DCBLD2: variants seen among roughly 807,000 people sequenced by gnomAD.
DCBLD2 encodes discoidin, CUB and LCCL domain containing 2.
Under a neutral mutation model 86.8 loss-of-function variants are expected in DCBLD2, and 54 were observed. The observed-to-expected ratio is 0.62, with a 90% CI of 0.50 to 0.78. The LOEUF is 0.78. DCBLD2 is among the 30% of genes least tolerant of loss of function. The pLI, the probability that DCBLD2 is intolerant of heterozygous loss-of-function variation, is 0.00. For missense variants in DCBLD2, 908 were observed against 954.2 expected (o/e 0.95, Z 0.64); for synonymous variants, 354 against 341.3 (o/e 1.04, Z -0.41).
At chr3:98,846,102 C>T (rs1248210501) in intron 3 of DCBLD2, among the ~76,000 whole-genome samples, 1 of 152,116 alleles carries the variant, frequency 6.6e-6, no homozygotes, top group Non-Finnish European at 1.5e-5. Context: ...AAGTATAGGG[C>T]AGGAAATAAG....
Position 98,881,610 on chromosome 3 carries a change from TTCAATG to T in DCBLD2, c.357_362del (p.Asp119_Ile120del), listed in dbSNP as rs1943471316. On this transcript the variant is annotated inframe_deletion, in exon 2 of 16. Coordinates refer to ENST00000326840, the MANE Select transcript of DCBLD2 (RefSeq NM_080927.4). ...AATTAAAGTGACAAGAATCAGAATCTTCAATGTCAAAGTCACCAAATTTGATGCGAA... is the reference window on the plus strand; with the variant it reads ...AATTAAAGTGACAAGAATCAGAATCTTCAAAGTCACCAAATTTGATGCGAA... The T allele has an allele frequency of 6.2e-7, 1 of 1,613,864 alleles. No individual in the cohort carries two copies. Among genetic ancestry groups the T allele is most frequent in the African/African-American group, 1.3e-5 (1 of 74,924 alleles).
At chr3:98,848,676 C>T (rs1308945966) in intron 3 of DCBLD2, among the ~76,000 whole-genome samples, 1 of 152,152 alleles carries the variant, frequency 6.6e-6, no homozygotes, top group South Asian at 2.1e-4. Flanking sequence ...ACATTTTCCT[C>T]CTAAACATTA....
intron 3 of DCBLD2, among the ~76,000 whole-genome samples, chr3:98,831,879 G>A (rs1942330318): frequency 6.6e-6 from 1 of 152,120 alleles, no homozygotes; most frequent in African/African-American, 2.4e-5. Context: ...CATTTTTAGA[G>A]TATGTGTCAT....
intron 3 of DCBLD2, among the ~76,000 whole-genome samples, chr3:98,840,938 A>G (rs1223665661): frequency 6.6e-6 from 1 of 152,244 alleles, no homozygotes; most frequent in Non-Finnish European, 1.5e-5. Context: ...GATAACAGCG[A>G]TGGCAGTAGT....
intron 9 of DCBLD2, chr3:98,813,753 C>T (rs1387259266): frequency 6.6e-6 from 1 of 152,162 alleles, no homozygotes; most frequent in African/African-American, 2.4e-5. Flanking sequence ...AGGTGAGTCT[C>T]ATTCCCTTAA....
Position 98,901,488 on chromosome 3 carries a change from A to G in DCBLD2, c.-162T>C. The stretch of plus-strand genomic sequence containing the variant: ...CCCTTCCGCCCCTCACCCCGCTTTC[A>G]CCTACTCCTCCTTCGTCCCTTCCCT... On this transcript the variant is annotated 5_prime_UTR_variant, in exon 1 of 16. Coordinates refer to ENST00000326840, the MANE Select transcript of DCBLD2 (RefSeq NM_080927.4). The G allele has an allele frequency of 1.7e-6, 1 of 596,240 alleles. No homozygotes were observed. Among genetic ancestry groups the G allele is most frequent in the Non-Finnish European group, 2.4e-6 (1 of 412,704 alleles). The allele number at this position is 596,240 out of a possible 1,614,324, so 36.9% of individuals were successfully genotyped here.
intron 8 of DCBLD2, 46 bp downstream of exon 8, chr3:98,819,156 T>C: frequency 6.7e-7 from 1 of 1,492,434 alleles, no homozygotes; most frequent in Non-Finnish European, 9.0e-7. Flanking sequence ...GTTTTTCAAA[T>C]AAAATAAGTG....
chr3:98,812,430 G>C lies in DCBLD2; in HGVS notation c.1265C>G (p.Pro422Arg), dbSNP rs1003508445. ...YHQDVRNNFL[P>R]PIIARFIRVN... ...TCTAATAAAACGTGCAATAATTGGT[G>C]GCAAAAAGTTATTACGCACATCCTG... The change falls in exon 10 of 16, where the codon CCA (proline) becomes CGA (arginine). Residue 422 changes from proline to arginine, a missense_variant. Coordinates refer to ENST00000326840, the MANE Select transcript of DCBLD2 (RefSeq NM_080927.4). 5.0e-6 allele frequency: 8 copies of C among 1,613,152 alleles called. No individual in the cohort carries two copies. The highest frequency in any genetic ancestry group is 6.8e-6 in the Non-Finnish European group (8 of 1,179,508).
chr3:98,840,915 T>C (rs1490474017), intron 3 of DCBLD2, among the ~76,000 whole-genome samples: 2 of 152,218 alleles, frequency 1.3e-5, no homozygotes, highest in African/African-American at 4.8e-5. Context: ...GTACACTTCA[T>C]TTGGGTGTTG....
intron 2 of DCBLD2, among the ~76,000 whole-genome samples, chr3:98,877,983 C>T (rs1943399265): frequency 6.6e-6 from 1 of 150,886 alleles, no homozygotes; most frequent in Non-Finnish European, 1.5e-5. Flanking sequence ...TATAAACAAA[C>T]AAATGGGAGA....
chr3:98,867,105 T>C lies in DCBLD2; in HGVS notation c.433+14435A>G, dbSNP rs1422588914. 9.2e-5 allele frequency among the ~76,000 whole-genome samples: 14 copies of C among 152,362 alleles called. 1 individual carries two copies. Among genetic ancestry groups the C allele is most frequent in the Admixed American group, 7.8e-4 (12 of 15,314 alleles). ...CCCAGTACCATGCTGTTTTGGTTAC[T>C]GTAGCCTTGTAGTATAGTTTGAAGT... On this transcript the variant is annotated intron_variant, in intron 2 of 15. Transcript: ENST00000326840.
At chr3:98,839,354 G>A (rs1025390677) in intron 3 of DCBLD2, among the ~76,000 whole-genome samples, 16 of 151,966 alleles carry the variant, frequency 1.1e-4, no homozygotes, top group African/African-American at 3.6e-4. Context: ...TCCAGTTGAA[G>A]TGCTGTATTT....
Position 98,901,133 on chromosome 3 carries a change from C to T in DCBLD2, c.194G>A (p.Gly65Glu), listed in dbSNP as rs1205284957. The T allele has an allele frequency of 1.3e-6, 2 of 1,539,650 alleles. No homozygotes were observed. The highest frequency in any genetic ancestry group is 1.7e-6 in the Non-Finnish European group (2 of 1,146,804). ...LVLLLLLEDA[G>E]AQQGDGCGHT... ...CTGGGACCACTCACCTTGCTGGGCT[C>T]CAGCGTCCTCGAGCAGCAGGAGCAG... Residue 65 changes from glycine (G) to glutamate (E), a missense_variant, in exon 1 of 16, where the codon GGA (glycine) becomes GAA (glutamate). By Grantham distance (98) the Gly-to-Glu change is moderately conservative. Transcript: ENST00000326840.
intron 3 of DCBLD2, among the ~76,000 whole-genome samples, chr3:98,846,912 C>T (rs940344624): frequency 6.6e-6 from 1 of 151,904 alleles, no homozygotes; most frequent in East Asian, 1.9e-4. Flanking sequence ...TTTCCAGAAA[C>T]CTTCAACTTG....
intron 6 of DCBLD2, 167 bp downstream of exon 6, chr3:98,822,061 A>G: frequency 1.1e-6 from 1 of 893,400 alleles, no homozygotes; most frequent in South Asian, 1.3e-5. Context: ...AAAACAAAAC[A>G]AAAAAACAGA....
At chr3:98,824,566 TGGCTCTTGAAAG>T (rs2107451588) in intron 4 of DCBLD2, among the ~76,000 whole-genome samples, 1 of 152,186 alleles carries the variant, frequency 6.6e-6, no homozygotes, top group South Asian at 2.1e-4. Flanking sequence ...GTTAGTAAGA[TGGCTCTTGAAAG>T]ATGAGAATGA....
At chr3:98,833,538 T>C (rs1942363859) in intron 3 of DCBLD2, among the ~76,000 whole-genome samples, 1 of 152,200 alleles carries the variant, frequency 6.6e-6, no homozygotes, top group African/African-American at 2.4e-5. Flanking sequence ...AGTTCTTGTG[T>C]TAGTTCTTTC....
At chr3:98,813,761 T>G (rs569399309) in intron 9 of DCBLD2, 1 of 152,272 alleles carries the variant, frequency 6.6e-6, no homozygotes, top group South Asian at 2.1e-4. Context: ...CTCATTCCCT[T>G]AACTACTTCA....
rs1439122070 is a variant in DCBLD2, at chr3:98,796,122, T to C, written c.*3250A>G. 2.0e-5 allele frequency: 3 copies of C among 152,666 alleles called. No homozygotes were observed. Among genetic ancestry groups the C allele is most frequent in the Non-Finnish European group, 4.4e-5 (3 of 68,052 alleles). 9.5% of individuals were successfully genotyped at this position (152,666 alleles called of 1,614,324 possible). ...GCAACATATACAAATACTGAGTGACTACAGTACATGCCGAGGTAAGATAAG... is the reference window on the plus strand; with the variant it reads ...GCAACATATACAAATACTGAGTGACCACAGTACATGCCGAGGTAAGATAAG... On this transcript the variant is annotated 3_prime_UTR_variant, in exon 16 of 16. Coordinates refer to ENST00000326840, the MANE Select transcript of DCBLD2 (RefSeq NM_080927.4).
Sources: allele counts gnomAD v4.1 joint callset (sites outside exome capture counted in the v4.1 genomes callset), GRCh38; gene constraint gnomAD v4.1.1; transcripts MANE v1.5; gene names NCBI Gene and HGNC (gene_info 2026-07-23, HGNC 2026-07-21).